Variants in AUTS2 observed in about 807,000 individuals in gnomAD.
AUTS2 encodes the protein activator of transcription and developmental regulator AUTS2.
Under a neutral mutation model 112.4 loss-of-function variants are expected in AUTS2, and 17 were observed. The observed-to-expected ratio is 0.15, with a 90% CI of 0.10 to 0.23. The LOEUF (loss-of-function observed/expected upper bound fraction) is 0.23, where lower values mean the gene tolerates loss of function less well. Ranked by LOEUF, AUTS2 falls within the 10% of genes least tolerant of loss-of-function variation. The probability of loss-of-function intolerance (pLI) is 1.00; values close to 1 mark genes in which losing one functional copy is unlikely to be tolerated. For synonymous variants in AUTS2, 751 were observed against 702.7 expected, an observed-to-expected ratio of 1.07 and a Z score of -1.09; for missense variants, 1,510 against 1,701.6, an observed-to-expected ratio of 0.89 and a Z score of 1.98.
intron 2 of AUTS2, among the ~76,000 whole-genome samples, chr7:70,081,640 C>T (rs1473703488): frequency 6.6e-6 from 1 of 152,004 alleles, no homozygotes; most frequent in East Asian, 1.9e-4. Context: ...ATGGCTCATG[C>T]AAAACTATAT....
chr7:70,121,070 C>T (rs1805656181), intron 3 of AUTS2, among the ~76,000 whole-genome samples: 1 of 152,136 alleles, frequency 6.6e-6, no homozygotes, highest in South Asian at 2.1e-4. Context: ...TGAGTTTTAA[C>T]AAGAGTGCCA....
intron 4 of AUTS2, among the ~76,000 whole-genome samples, chr7:70,373,909 A>G (rs1191805846): frequency 6.6e-6 from 1 of 151,840 alleles, no homozygotes; most frequent in African/African-American, 2.4e-5. Flanking sequence ...TTTTTTCACT[A>G]AACATTACAT....
At chr7:70,000,495 A>G (rs1267550026) in intron 2 of AUTS2, among the ~76,000 whole-genome samples, 3 of 152,192 alleles carry the variant, frequency 2.0e-5, no homozygotes, top group Non-Finnish European at 2.9e-5. Flanking sequence ...TATCCTAGTG[A>G]AAGTTAGAAT....
intron 6 of AUTS2, among the ~76,000 whole-genome samples, chr7:70,702,913 G>C (rs934000738): frequency 2.0e-5 from 3 of 152,194 alleles, no homozygotes; most frequent in Non-Finnish European, 4.4e-5. Flanking sequence ...ACACAGATGA[G>C]GTTGGAGCCT....
chr7:70,005,117 G>A (rs989639983), intron 2 of AUTS2, among the ~76,000 whole-genome samples: 4 of 151,974 alleles, frequency 2.6e-5, no homozygotes, highest in Non-Finnish European at 5.9e-5. Context: ...GAGCCACCGC[G>A]TCTGACTTTG....
chr7:70,732,298 C>T (rs1475560520), intron 6 of AUTS2, among the ~76,000 whole-genome samples: 1 of 152,180 alleles, frequency 6.6e-6, no homozygotes, highest in Non-Finnish European at 1.5e-5. Context: ...TAGCAGGTCT[C>T]ATCTGACCCA....
intron 2 of AUTS2, among the ~76,000 whole-genome samples, chr7:69,947,813 G>A (rs1277431296): frequency 2.0e-5 from 3 of 152,094 alleles, no homozygotes; most frequent in Non-Finnish European, 4.4e-5. Context: ...GTTAACCACT[G>A]TATATTTGGA....
intron 1 of AUTS2, among the ~76,000 whole-genome samples, chr7:69,808,254 T>G (rs1232220990): frequency 2.0e-5 from 3 of 152,140 alleles, no homozygotes; most frequent in African/African-American, 7.2e-5. Context: ...GGGAGGAGCA[T>G]TAAATTGTGG....
chr7:70,735,182 A>G (rs1427478186), intron 6 of AUTS2, among the ~76,000 whole-genome samples: 1 of 152,154 alleles, frequency 6.6e-6, no homozygotes, highest in Non-Finnish European at 1.5e-5. Flanking sequence ...TTAGAATAAA[A>G]CCTTACCAAA....
Position 70,721,464 on chromosome 7 carries a change from G to A in AUTS2, c.742+22844G>A, listed in dbSNP as rs531218688. On this transcript the variant is annotated intron_variant, in intron 6 of 18. Coordinates refer to ENST00000342771, the MANE Select transcript of AUTS2 (RefSeq NM_015570.4). The stretch of plus-strand genomic sequence containing the variant: ...CAGGCACCTGCCACAATGCCCGGCT[G>A]ATTTTTTGTACTTTTAGTAGAGACC... 1.3e-3 allele frequency among the ~76,000 whole-genome samples: 197 copies of A among 152,142 alleles called. 1 individual carries two copies. The highest frequency in any genetic ancestry group is 4.2e-3 in the African/African-American group (176 of 41,502).
intron 6 of AUTS2, among the ~76,000 whole-genome samples, chr7:70,732,750 T>C (rs1787504531): frequency 6.6e-6 from 1 of 152,236 alleles, no homozygotes; most frequent in Admixed American, 6.5e-5. Flanking sequence ...AATTCTGCTT[T>C]AGGATAAGAA....
intron 2 of AUTS2, among the ~76,000 whole-genome samples, chr7:70,021,692 G>C (rs1035439447): frequency 6.6e-6 from 1 of 152,148 alleles, no homozygotes; most frequent in African/African-American, 2.4e-5. Flanking sequence ...CCTTCCTGCT[G>C]CTCCTCAATC....
intron 4 of AUTS2, among the ~76,000 whole-genome samples, chr7:70,370,339 C>A (rs1792784466): frequency 6.6e-6 from 1 of 152,146 alleles, no homozygotes; most frequent in South Asian, 2.1e-4. Context: ...CATTCCACTG[C>A]CCCAGCTCTC....
At chr7:70,221,836 G>A (rs1401425287) in intron 4 of AUTS2, among the ~76,000 whole-genome samples, 3 of 152,156 alleles carry the variant, frequency 2.0e-5, no homozygotes, top group Non-Finnish European at 4.4e-5. Flanking sequence ...GCAGTGAGCC[G>A]AAATCATGCC....
chr7:70,782,080 G>A (rs1164377035), intron 15 of AUTS2: 3 of 293,024 alleles, frequency 1.0e-5, no homozygotes, highest in African/African-American at 6.6e-5. Context: ...GCTTGCAAGG[G>A]CAGATCGGAA....
At position 69,828,486 on chromosome 7, in the gene AUTS2, C is replaced by G. The variant is rs184489795; in HGVS notation, c.310-70800C>G. ...TTGTGGAGCTGTTGAATTGATCAGC[C>G]TGAGTCCATTCCATTTTGGGACTTC... On this transcript the variant is annotated intron_variant, in intron 1 of 18. Coordinates refer to ENST00000342771, the MANE Select transcript of AUTS2 (RefSeq NM_015570.4). Among the ~76,000 whole-genome samples the G allele has an allele frequency of 2.6e-5, 4 of 152,072 alleles. No homozygotes were observed. In the East Asian group the frequency reaches 7.7e-4, roughly 29 times the overall value.
intron 1 of AUTS2, among the ~76,000 whole-genome samples, chr7:69,785,919 C>G (rs11769033): frequency 0.076 from 11,596 of 152,226 alleles, 602 homozygotes; most frequent in African/African-American, 0.14. Flanking sequence ...CAACCCTTGT[C>G]TCCCAGGTTC....
intron 2 of AUTS2, among the ~76,000 whole-genome samples, chr7:70,084,015 C>G (rs973114990): frequency 2.0e-5 from 3 of 151,982 alleles, no homozygotes; most frequent in Non-Finnish European, 4.4e-5. Context: ...ATTCCTTTCT[C>G]CCCCACCTCC....
intron 5 of AUTS2, among the ~76,000 whole-genome samples, chr7:70,454,169 A>C (rs1221779032): frequency 6.6e-6 from 1 of 152,200 alleles, no homozygotes; most frequent in African/African-American, 2.4e-5. Flanking sequence ...CCAGTGTGTC[A>C]GACAAAAAGA....
Sources: gnomAD v4.1 joint callset for allele counts (sites outside exome capture counted in the v4.1 genomes callset) on GRCh38, gnomAD v4.1.1 for gene constraint, MANE v1.5 for transcripts, NCBI Gene and HGNC (gene_info 2026-07-23, HGNC 2026-07-21) for gene names.